RORA: variants seen among roughly 807,000 people sequenced by gnomAD.
RORA encodes the protein nuclear receptor ROR-alpha.
RORA carries 7 observed loss-of-function variants against 69.5 expected under a neutral mutation model. The ratio of observed to expected loss-of-function variants is 0.10; its 90% CI spans 0.06 to 0.19. The LOEUF (loss-of-function observed/expected upper bound fraction) is 0.19, where lower values mean the gene tolerates loss of function less well. Among genes scored for constraint, RORA ranks in the 10% least tolerant of loss-of-function variants. The probability of loss-of-function intolerance (pLI) is 1.00; values close to 1 mark genes in which losing one functional copy is unlikely to be tolerated. For missense variants in RORA, 457 were observed against 663.0 expected (o/e 0.69, Z 3.41); for synonymous variants, 261 against 240.8 (o/e 1.08, Z -0.78).
At chr15:61,030,653 T>C (rs1436309370) in intron 1 of RORA, among the ~76,000 whole-genome samples, 3 of 152,126 alleles carry the variant, frequency 2.0e-5, no homozygotes, top group African/African-American at 7.2e-5. Flanking sequence ...CCAAGCATAT[T>C]TGGGGCCCAT....
chr15:60,821,481 T>C (rs1431182822), intron 1 of RORA, among the ~76,000 whole-genome samples: 3 of 152,212 alleles, frequency 2.0e-5, no homozygotes, highest in Non-Finnish European at 4.4e-5. Context: ...CTCAAAGGCT[T>C]CCACGTGACT....
intron 1 of RORA, among the ~76,000 whole-genome samples, chr15:60,979,277 T>TATTA (rs200294406): frequency 2.8e-4 from 39 of 139,290 alleles, no homozygotes; most frequent in Non-Finnish European, 4.7e-4. Context: ...GCTTTTTTTT[T>TATTA]TTTTTTTTTT....
chr15:60,999,807 C>T (rs746243944), intron 1 of RORA, among the ~76,000 whole-genome samples: 1 of 152,158 alleles, frequency 6.6e-6, no homozygotes, highest in Non-Finnish European at 1.5e-5. Flanking sequence ...AAGTTGACCC[C>T]ACCCGTTCTG....
At chr15:61,075,315 AGCAACAG>A (rs2078433397) in intron 1 of RORA, among the ~76,000 whole-genome samples, 2 of 152,124 alleles carry the variant, frequency 1.3e-5, no homozygotes, top group Admixed American at 1.3e-4. Context: ...AATGTCCTCA[AGCAACAG>A]GCAAAAGGGC....
At chr15:60,523,128 A>AT (rs776721507) in intron 3 of RORA, among the ~76,000 whole-genome samples, 1 of 152,326 alleles carries the variant, frequency 6.6e-6, no homozygotes, top group East Asian at 1.9e-4. Flanking sequence ...CCCATTGTGA[A>AT]TAACATAAAA....
chr15:60,515,374 A>G (rs1350222095), intron 3 of RORA, among the ~76,000 whole-genome samples: 1 of 152,210 alleles, frequency 6.6e-6, no homozygotes, highest in Non-Finnish European at 1.5e-5. Flanking sequence ...TAGAAATACC[A>G]CATGTTCAGA....
intron 1 of RORA, among the ~76,000 whole-genome samples, chr15:61,068,405 G>T (rs140348470): frequency 6.6e-6 from 1 of 152,316 alleles, no homozygotes; most frequent in Non-Finnish European, 1.5e-5. Flanking sequence ...CTCCACCCAT[G>T]AGAGTGTTTC....
intron 2 of RORA, among the ~76,000 whole-genome samples, chr15:60,655,106 G>A (rs763328808): frequency 6.6e-6 from 1 of 152,138 alleles, no homozygotes; most frequent in Non-Finnish European, 1.5e-5. Context: ...TGGATGCACT[G>A]AAAATATAAG....
chr15:61,043,013 C>G (rs1234745076), intron 1 of RORA, among the ~76,000 whole-genome samples: 1 of 152,184 alleles, frequency 6.6e-6, no homozygotes, highest in African/African-American at 2.4e-5. Flanking sequence ...CAGACACAGA[C>G]AGCAGGCTGA....
At chr15:61,033,112 G>C (rs982230400) in intron 1 of RORA, among the ~76,000 whole-genome samples, 1 of 152,114 alleles carries the variant, frequency 6.6e-6, no homozygotes, top group Non-Finnish European at 1.5e-5. Flanking sequence ...GATTATAAAA[G>C]TCCACGCTCT....
chr15:61,007,717 CTAA>C (rs1333102517), intron 1 of RORA, among the ~76,000 whole-genome samples: 2 of 147,568 alleles, frequency 1.4e-5, no homozygotes, highest in African/African-American at 4.9e-5. Context: ...GTTATATAGG[CTAA>C]TATTATATAT....
rs141165701 is a variant in RORA, at chr15:60,711,855, C to T, written c.167-33169G>A. On this transcript the variant is annotated intron_variant, in intron 1 of 10. Transcript: ENST00000335670. ...TAGGAAAATCCAACATTTAAAATACCGCTACTGAAACAAATTATATGATAA... is the reference window on the plus strand; with the variant it reads ...TAGGAAAATCCAACATTTAAAATACTGCTACTGAAACAAATTATATGATAA... Among the ~76,000 whole-genome samples the T allele has an allele frequency of 4.8e-3, 736 of 152,270 alleles. 6 individuals carry two copies. The highest frequency in any genetic ancestry group is 0.017 in the African/African-American group (710 of 41,554).
chr15:60,511,557 G>C lies in RORA; in HGVS notation c.489C>G (p.His163Gln). The C allele has an allele frequency of 6.2e-7, 1 of 1,614,080 alleles. No homozygotes were observed. Among genetic ancestry groups the C allele is most frequent in the Admixed American group, 1.7e-5 (1 of 60,024 alleles). Reference protein sequence around the residue: ...RDSLYAEVQKHRMQQQQRDHQ... With the variant: ...RDSLYAEVQKQRMQQQQRDHQ... ...GGTCGCGCTGCTGCTGCTGCATCCG[G>C]TGTTTCTGTACTTCTGCATACAAGC... is the stretch of plus-strand genomic sequence containing the variant. Residue 163 changes from histidine to glutamine, a missense_variant, in exon 5 of 11, where the codon CAC (histidine) becomes CAG (glutamine). His to Gln is a conservative substitution (Grantham distance 24). Transcript: ENST00000335670. This position sits in a 1 kb window ranked among gnomAD's most constrained non-coding sequence, Gnocchi z 6.4.
At chr15:60,610,525 A>G (rs964854464) in intron 2 of RORA, among the ~76,000 whole-genome samples, 1 of 152,116 alleles carries the variant, frequency 6.6e-6, no homozygotes, top group Non-Finnish European at 1.5e-5. Context: ...AAAGAAAATC[A>G]CGGTAAGGAG....
At chr15:61,173,292 T>C (rs773782066) in intron 1 of RORA, among the ~76,000 whole-genome samples, 6 of 152,186 alleles carry the variant, frequency 3.9e-5, no homozygotes, top group Non-Finnish European at 7.3e-5. Flanking sequence ...AGATCTGTCT[T>C]CAAAGTCCAT....
intron 1 of RORA, among the ~76,000 whole-genome samples, chr15:60,812,381 G>A (rs2072756691): frequency 6.6e-6 from 1 of 152,046 alleles, no homozygotes; most frequent in Non-Finnish European, 1.5e-5. Context: ...ACAGTGGCGT[G>A]TATCTGTAGT....
chr15:60,817,211 G>A (rs527655582), intron 1 of RORA, among the ~76,000 whole-genome samples: 2 of 152,264 alleles, frequency 1.3e-5, no homozygotes, highest in South Asian at 4.2e-4. Flanking sequence ...TCTAGACCAC[G>A]GCAATAAAGC....
intron 1 of RORA, among the ~76,000 whole-genome samples, chr15:60,753,899 GCATCAC>G (rs1301863435): frequency 2.0e-5 from 3 of 152,160 alleles, no homozygotes; most frequent in Non-Finnish European, 2.9e-5. Context: ...CCTTGTAACA[GCATCAC>G]GATACATGTG....
chr15:61,156,338 C>T (rs751543338), intron 1 of RORA, among the ~76,000 whole-genome samples: 2 of 152,152 alleles, frequency 1.3e-5, no homozygotes, highest in South Asian at 2.1e-4. Context: ...GAAAAGGAGG[C>T]TGCCTGAGAT....
Sources: allele counts gnomAD v4.1 joint callset (sites outside exome capture counted in the v4.1 genomes callset), GRCh38; gene constraint gnomAD v4.1.1; non-coding constraint Gnocchi (gnomAD v3.1); transcripts MANE v1.5; gene names NCBI Gene and HGNC (gene_info 2026-07-23, HGNC 2026-07-21).